Variants in SRPRB observed in about 807,000 individuals in gnomAD.
SRPRB encodes the protein SRP receptor subunit beta.
Under a neutral mutation model 31.9 loss-of-function variants are expected in SRPRB, and 20 were observed. That is an observed-to-expected ratio of 0.63 (90% confidence interval 0.44 to 0.91). SRPRB has a LOEUF of 0.91. Among genes scored for constraint, SRPRB ranks in the 40% least tolerant of loss-of-function variants. The probability of loss-of-function intolerance (pLI) is 0.00; values close to 1 mark genes in which losing one functional copy is unlikely to be tolerated. For synonymous variants in SRPRB, 146 were observed against 132.8 expected, an observed-to-expected ratio of 1.10 and a Z score of -0.68; for missense variants, 321 against 324.9, an observed-to-expected ratio of 0.99 and a Z score of 0.09.
Position 133,819,563 on chromosome 3 carries a change from C to T in SRPRB, c.613C>T (p.Arg205Ter), listed in dbSNP as rs775378581. The T allele has an allele frequency of 6.2e-6, 10 of 1,613,528 alleles. No homozygotes were observed. The East Asian group carries it at 6.7e-5, about 11-fold the overall frequency. ...QQLEKELNTL[R>*]VTRSAAPSTL... ...CCTTTTGCCCCACAGCAACACCTTA[C>T]GAGTTACCCGTTCTGCTGCCCCCAG... is the stretch of plus-strand genomic sequence containing the variant. Residue 205 changes from arginine (R) to a stop codon, truncating the protein, a stop_gained, in exon 7 of 7, where the codon CGA becomes TGA. Coordinates refer to ENST00000678299, the MANE Select transcript of SRPRB (RefSeq NM_001379313.1). LOFTEE classifies it high-confidence loss of function.
At chr3:133,824,091 AG>A (rs911019519), downstream of SRPRB, 4 of 152,234 alleles carry the variant, frequency 2.6e-5, no homozygotes, top group Non-Finnish European at 5.9e-5. Context: ...CACCAGTAGG[AG>A]GAAGAAGCAA....
Position 133,815,595 on chromosome 3 carries a change from T to C in SRPRB, c.416T>C (p.Ile139Thr), listed in dbSNP as rs1452281045. ...LERFKSSARA[I>T]VFVVDSAAFQ... The stretch of plus-strand genomic sequence containing the variant: ...TTCTTGTTTTCTCCCTCCAGGGCTA[T>C]TGTGTTTGTTGTGGATAGTGCAGCA... The change falls in exon 5 of 7, where the codon ATT (isoleucine) becomes ACT (threonine). Residue 139 changes from isoleucine (I) to threonine (T), a missense_variant. Transcript: ENST00000678299. The C allele has an allele frequency of 1.2e-6, 2 of 1,613,762 alleles. No individual in the cohort carries two copies. The highest frequency in any genetic ancestry group is 1.3e-5 in the African/African-American group (1 of 74,832).
chr3:133,788,933 A>G (rs914471519), intron 1 of SRPRB: 3 of 152,264 alleles, frequency 2.0e-5, no homozygotes, highest in African/African-American at 4.8e-5. Flanking sequence ...TGGAACAGGA[A>G]GCATGGGATA....
intron 1 of SRPRB, chr3:133,791,680 T>A (rs1934840726): frequency 6.6e-6 from 1 of 152,196 alleles, no homozygotes; most frequent in African/African-American, 2.4e-5. Flanking sequence ...GACCTGCTGT[T>A]CAAGACACAC....
intron 4 of SRPRB, among the ~76,000 whole-genome samples, chr3:133,813,548 C>A (rs142071392): frequency 8.8e-4 from 134 of 152,234 alleles, no homozygotes; most frequent in African/African-American, 3.2e-3. Context: ...AAAATACTTA[C>A]CTTTTCAAAC....
chr3:133,793,241 G>GT (rs1302110383), intron 1 of SRPRB: 1 of 152,072 alleles, frequency 6.6e-6, no homozygotes, highest in Admixed American at 6.6e-5. Flanking sequence ...ACATGGAAAG[G>GT]TTTTTGCCTT....
At position 133,819,725 on chromosome 3, in the gene SRPRB, G is replaced by T. The variant is rs138791310; in HGVS notation, c.775G>T (p.Asp259Tyr). 1.2e-5 allele frequency: 20 copies of T among 1,614,052 alleles called. No individual in the cohort carries two copies. The African/African-American group carries it at 2.0e-4, about 16-fold the overall frequency. ...TGGAAGAGGGGACGTGGGCTCTGCT[G>T]ACATCCAGGACTTGGAGAAATGGCT... ...KGGRGDVGSA[D>Y]IQDLEKWLAK... The change falls in exon 7 of 7, where the codon GAC (aspartate) becomes TAC (tyrosine). Residue 259 changes from aspartate to tyrosine, a missense_variant. Asp to Tyr is a radical substitution (Grantham distance 160). Transcript: ENST00000678299.
chr3:133,825,036 C>CA (rs1458061613), downstream of SRPRB: 1 of 152,184 alleles, frequency 6.6e-6, no homozygotes, highest in Non-Finnish European at 1.5e-5. Context: ...CAATGCCTCA[C>CA]ATTCTTTGGG....
downstream of SRPRB, among the ~76,000 whole-genome samples, chr3:133,823,467 G>A (rs768925799): frequency 1.3e-5 from 2 of 152,182 alleles, no homozygotes; most frequent in Non-Finnish European, 2.9e-5. Flanking sequence ...TGGCCAGTCT[G>A]TTCTCAAACT....
At chr3:133,815,347 T>C (rs1347657924) in intron 4 of SRPRB, among the ~76,000 whole-genome samples, 3 of 152,190 alleles carry the variant, frequency 2.0e-5, no homozygotes. Context: ...TGATTTGTCT[T>C]GGAGGACAGG....
intron 5 of SRPRB, 47 bp from the exon 6 acceptor site, chr3:133,816,831 A>C (rs757708550): frequency 6.6e-7 from 1 of 1,506,820 alleles, no homozygotes; most frequent in South Asian, 1.3e-5. Flanking sequence ...CTTGGGGAAA[A>C]AACTCATTCT....
At chr3:133,800,879 TAAAAA>T (rs1935051303), upstream of SRPRB, among the ~76,000 whole-genome samples, 3 of 152,184 alleles carry the variant, frequency 2.0e-5, no homozygotes, top group Non-Finnish European at 4.4e-5. Flanking sequence ...ATAATCTCTT[TAAAAA>T]TAACGTGTTC....
upstream of SRPRB, among the ~76,000 whole-genome samples, chr3:133,801,493 T>C (rs1430351422): frequency 2.0e-5 from 3 of 152,198 alleles, no homozygotes; most frequent in East Asian, 5.8e-4. Flanking sequence ...AGAAAAAAAG[T>C]CTCTTTTCTT....
intron 1 of SRPRB, chr3:133,786,441 A>G (rs1457204940): frequency 6.6e-6 from 1 of 152,146 alleles, no homozygotes; most frequent in Non-Finnish European, 1.5e-5. Context: ...GGAGAGAGGA[A>G]AGGAAGTGTA....
At chr3:133,815,311 C>T (rs536783893) in intron 4 of SRPRB, among the ~76,000 whole-genome samples, 1 of 152,156 alleles carries the variant, frequency 6.6e-6, no homozygotes, top group South Asian at 2.1e-4. Flanking sequence ...TTTGTCTTGG[C>T]ATTTATCATA....
At chr3:133,787,848 A>T (rs1375668344) in intron 1 of SRPRB, 1 of 152,260 alleles carries the variant, frequency 6.6e-6, no homozygotes, top group East Asian at 1.9e-4. Context: ...TTGCCAATGT[A>T]TGACAAAAAT....
In SRPRB at chr3:133,819,679, C is replaced by G. The variant is rs1402898673; in HGVS notation, c.729C>G (p.Phe243Leu). 3.7e-6 allele frequency: 6 copies of G among 1,614,030 alleles called. No homozygotes were observed. The highest frequency in any genetic ancestry group is 5.1e-6 in the Non-Finnish European group (6 of 1,180,050). ...EFSQLPLKVEFLECSAKGGRG... is the reference protein window; with the variant it reads ...EFSQLPLKVELLECSAKGGRG... ...CACAGTTGCCCCTCAAAGTGGAGTTCCTGGAGTGCAGTGCCAAGGGTGGAA... is the reference window on the plus strand; with the variant it reads ...CACAGTTGCCCCTCAAAGTGGAGTTGCTGGAGTGCAGTGCCAAGGGTGGAA... The change falls in exon 7 of 7, where the codon TTC becomes TTG. Residue 243 changes from phenylalanine to leucine, a missense_variant. Physicochemically the swap from Phe to Leu is conservative, Grantham distance 22 (BLOSUM62 0). Transcript: ENST00000678299.
chr3:133,822,971 C>G (rs1286092853), downstream of SRPRB, among the ~76,000 whole-genome samples: 2 of 152,210 alleles, frequency 1.3e-5, no homozygotes, highest in Non-Finnish European at 2.9e-5. Context: ...TGCAGCAGAC[C>G]ATGGAAATAC....
chr3:133,784,477 T>TA (rs1236645340), intron 1 of SRPRB: 1 of 114,848 alleles, frequency 8.7e-6, no homozygotes, highest in African/African-American at 3.7e-5. Flanking sequence ...AAAAAAATAA[T>TA]AATAATAATA....
Sources: gnomAD v4.1 joint callset for allele counts (sites outside exome capture counted in the v4.1 genomes callset) on GRCh38, gnomAD v4.1.1 for gene constraint, MANE v1.5 for transcripts, NCBI Gene and HGNC (gene_info 2026-07-23, HGNC 2026-07-21) for gene names.